The following HDAC9 variants were observed in gnomAD, a reference collection of about 807,000 sequenced individuals.
HDAC9 encodes the protein histone deacetylase 9.
A neutral mutation model predicts 139.4 loss-of-function variants in HDAC9; 41 were observed. That is an observed-to-expected ratio of 0.29 (90% CI 0.23 to 0.38). The LOEUF is 0.38. HDAC9 is among the 10% of genes least tolerant of loss of function. The probability of loss-of-function intolerance (pLI) is 1.00; values close to 1 mark genes in which losing one functional copy is unlikely to be tolerated. For synonymous variants in HDAC9, 517 were observed against 476.2 expected (o/e 1.09, Z -1.12); for missense variants, 1,147 against 1,297.0 (o/e 0.88, Z 1.78).
intron 8 of HDAC9, among the ~76,000 whole-genome samples, chr7:18,636,591 G>C (rs1312008777): frequency 6.6e-6 from 1 of 151,968 alleles, no homozygotes; most frequent in African/African-American, 2.4e-5. Flanking sequence ...ACCATTTTCA[G>C]CTATTTAAAG....
Position 19,001,172 on chromosome 7 carries a change from G to A in HDAC9, c.*5110G>A, listed in dbSNP as rs1786729914. The A allele has an allele frequency of 6.6e-6, 1 of 152,118 alleles. No individual in the cohort carries two copies. Among genetic ancestry groups the A allele is most frequent in the South Asian group, 2.1e-4 (1 of 4,820 alleles). 9.4% of individuals were successfully genotyped at this position (152,118 alleles called of 1,614,324 possible). On this transcript the variant is annotated 3_prime_UTR_variant, in exon 26 of 26. Transcript: ENST00000686413. ...TACTAGTTATTGTGGAAAGAAAATT[G>A]TACATACATTTCCTTGTCCTTTGGG...
At chr7:18,774,600 C>T (rs1032619173) in intron 16 of HDAC9, among the ~76,000 whole-genome samples, 9 of 152,012 alleles carry the variant, frequency 5.9e-5, no homozygotes, top group Non-Finnish European at 1.0e-4. Context: ...TCCTAATGAT[C>T]ATCTGAGCCT....
At chr7:18,812,073 C>T (rs752039780) in intron 17 of HDAC9, among the ~76,000 whole-genome samples, 13 of 151,696 alleles carry the variant, frequency 8.6e-5, no homozygotes, top group East Asian at 1.9e-4. Flanking sequence ...TCAGGTAAAT[C>T]GTTGTTATGC....
rs144055967 is a variant in HDAC9 at position 18,447,886 on chromosome 7, C to T, written c.-41-48376C>T. Among the ~76,000 whole-genome samples, 258 of 152,262 alleles carry T rather than the reference C, an allele frequency of 1.7e-3. 1 individual carries two copies. The highest frequency in any genetic ancestry group is 5.9e-3 in the African/African-American group (245 of 41,556). On this transcript the variant is annotated intron_variant, in intron 1 of 3. Transcript: ENST00000413509. Reference sequence around the variant, plus strand: ...AAATCATAGAGGACCCTGTCACCCACGCTGTAGTGGAGTGGCATGATCTCT... The same window carrying T: ...AAATCATAGAGGACCCTGTCACCCATGCTGTAGTGGAGTGGCATGATCTCT...
upstream of HDAC9, among the ~76,000 whole-genome samples, chr7:18,289,655 T>C (rs534147266): frequency 1.3e-5 from 2 of 152,152 alleles, no homozygotes; most frequent in Non-Finnish European, 2.9e-5. Context: ...TTAATTCAAA[T>C]GCACCCATTT....
chr7:18,109,056 G>C (rs1349606222), intron 1 of HDAC9, among the ~76,000 whole-genome samples: 3 of 152,156 alleles, frequency 2.0e-5, no homozygotes, highest in Non-Finnish European at 4.4e-5. Flanking sequence ...GGTACCATGG[G>C]GATGGTTATT....
At chr7:18,091,073 A>C (rs1782111838) in intron 1 of HDAC9, among the ~76,000 whole-genome samples, 1 of 152,230 alleles carries the variant, frequency 6.6e-6, no homozygotes, top group Non-Finnish European at 1.5e-5. Context: ...GGTAATATGT[A>C]ATCTTATGCA....
intron 1 of HDAC9, among the ~76,000 whole-genome samples, chr7:18,136,080 T>C (rs1785394099): frequency 6.6e-6 from 1 of 150,386 alleles, no homozygotes; most frequent in Non-Finnish European, 1.5e-5. Flanking sequence ...TTCATGTGTT[T>C]TTTGGCTGTA....
chr7:18,631,253 T>G (rs757598402), intron 7 of HDAC9, among the ~76,000 whole-genome samples: 4 of 152,138 alleles, frequency 2.6e-5, no homozygotes, highest in Non-Finnish European at 4.4e-5. Context: ...GCACTCGCCC[T>G]TTCACCTCAG....
intron 22 of HDAC9, among the ~76,000 whole-genome samples, chr7:18,911,378 T>C (rs112168758): frequency 6.6e-5 from 10 of 151,994 alleles, no homozygotes; most frequent in African/African-American, 2.2e-4. Context: ...TTGTAATGTC[T>C]TCTTCATTTC....
chr7:18,240,722 G>A (rs574764245), intron 2 of HDAC9, among the ~76,000 whole-genome samples: 1 of 152,106 alleles, frequency 6.6e-6, no homozygotes, highest in East Asian at 1.9e-4. Context: ...CCTCTTCCAC[G>A]GTTCTATAAG....
chr7:18,854,420 G>A (rs1479002904), intron 21 of HDAC9, among the ~76,000 whole-genome samples: 1 of 152,114 alleles, frequency 6.6e-6, no homozygotes, highest in Non-Finnish European at 1.5e-5. Flanking sequence ...GGGGTTCAAG[G>A]TAGTGATCAT....
intron 1 of HDAC9, among the ~76,000 whole-genome samples, chr7:18,335,571 G>T (rs1781524382): frequency 6.6e-6 from 1 of 151,546 alleles, no homozygotes; most frequent in Non-Finnish European, 1.5e-5. Flanking sequence ...AAAAGGGCAA[G>T]AATTAGATAA....
intron 11 of HDAC9, among the ~76,000 whole-genome samples, chr7:18,652,761 A>T (rs1343363929): frequency 6.6e-6 from 1 of 152,030 alleles, no homozygotes; most frequent in Non-Finnish European, 1.5e-5. Flanking sequence ...TAAGAGCAGG[A>T]ATTTTAAGAA....
chr7:18,328,976 G>A (rs1206963345), intron 1 of HDAC9, among the ~76,000 whole-genome samples: 1 of 151,696 alleles, frequency 6.6e-6, no homozygotes, highest in Non-Finnish European at 1.5e-5. Context: ...TACTGAATCA[G>A]TCTCCTTACT....
At chr7:18,303,708 T>C (rs1024422279) in intron 1 of HDAC9, among the ~76,000 whole-genome samples, 6 of 152,142 alleles carry the variant, frequency 3.9e-5, no homozygotes, top group Non-Finnish European at 5.9e-5. Flanking sequence ...CCATTTGAGA[T>C]AGGTGTGGCC....
At chr7:18,550,316 A>G (rs1436359146) in intron 2 of HDAC9, among the ~76,000 whole-genome samples, 1 of 151,898 alleles carries the variant, frequency 6.6e-6, no homozygotes, top group South Asian at 2.1e-4. Context: ...GTTCCATTCT[A>G]TGTTATGATT....
At chr7:18,663,886 G>A (rs1353291548) in intron 11 of HDAC9, among the ~76,000 whole-genome samples, 2 of 152,096 alleles carry the variant, frequency 1.3e-5, no homozygotes, top group African/African-American at 4.8e-5. Context: ...GTATGAGTAA[G>A]GGTTGCAGCA....
chr7:18,610,368 T>G (rs1836769964), intron 6 of HDAC9, among the ~76,000 whole-genome samples: 1 of 152,166 alleles, frequency 6.6e-6, no homozygotes, highest in Admixed American at 6.6e-5. Context: ...CTTCTGGGTT[T>G]TATGTGCAGT....
Sources: allele counts gnomAD v4.1 joint callset (sites outside exome capture counted in the v4.1 genomes callset), GRCh38; gene constraint gnomAD v4.1.1; transcripts MANE v1.5; gene names NCBI Gene and HGNC (gene_info 2026-07-23, HGNC 2026-07-21).